SELENOF: variants seen among roughly 807,000 people sequenced by gnomAD.
SELENOF encodes 15 kDa selenoprotein.
Under a neutral mutation model 20.5 loss-of-function variants are expected in SELENOF, and 16 were observed. The observed-to-expected ratio is 0.78, with a 90% confidence interval of 0.53 to 1.19. The LOEUF (loss-of-function observed/expected upper bound fraction) is 1.19. Ranked by LOEUF, SELENOF falls within the 50% of genes most tolerant of loss-of-function variation. The pLI is 0.00. For missense variants in SELENOF, 215 were observed against 194.2 expected, an observed-to-expected ratio of 1.11 and a Z score of -0.64; for synonymous variants, 78 against 74.5, an observed-to-expected ratio of 1.05 and a Z score of -0.24.
At chr1:86,868,787 G>A (rs569200472) in intron 3 of SELENOF, among the ~76,000 whole-genome samples, 1 of 152,144 alleles carries the variant, frequency 6.6e-6, no homozygotes, top group East Asian at 1.9e-4. Flanking sequence ...TCCTAAGCAT[G>A]ACCCAAAAGG....
intron 2 of SELENOF, among the ~76,000 whole-genome samples, chr1:86,892,323 G>A (rs1054125683): frequency 2.6e-5 from 4 of 152,108 alleles, no homozygotes; most frequent in African/African-American, 7.2e-5. Flanking sequence ...TTATTCATAT[G>A]TTTTAAAAAA....
intron 4 of SELENOF, among the ~76,000 whole-genome samples, chr1:86,866,732 T>C (rs1356603003): frequency 2.0e-5 from 3 of 152,110 alleles, no homozygotes; most frequent in Non-Finnish European, 4.4e-5. Flanking sequence ...CATTAGGGAA[T>C]TGCAAATTAA....
At chr1:86,907,211 TCTAGCATCC>T (rs1340710012) in intron 1 of SELENOF, among the ~76,000 whole-genome samples, 1 of 152,222 alleles carries the variant, frequency 6.6e-6, no homozygotes, top group Non-Finnish European at 1.5e-5. Flanking sequence ...ACAGAAAGCA[TCTAGCATCC>T]CGCCCAGTAC....
rs546771201 is a variant in SELENOF, at chr1:86,914,048, A to G, written c.64T>C (p.Leu22=). Residue 22 remains leucine, a synonymous_variant, in exon 1 of 5, where the codon TTG becomes CTG. Coordinates refer to ENST00000331835, the MANE Select transcript of SELENOF (RefSeq NM_004261.5). The part of the protein sequence containing the change: ...LVPAFGLRLL[L]ATVLQAVSAF... Reference sequence around the variant, plus strand: ...CTCACCGCTTGAAGCACAGTCGCCAACAACAACCGTAGCCCAAACGCCGGC... The same window carrying G: ...CTCACCGCTTGAAGCACAGTCGCCAGCAACAACCGTAGCCCAAACGCCGGC... 269 of 1,613,954 alleles carry G rather than the reference A, an allele frequency of 1.7e-4. 5 individuals carry two copies. The South Asian group carries it at 2.8e-3, about 17-fold the overall frequency.
At chr1:86,878,619 T>C (rs1658983208) in intron 3 of SELENOF, among the ~76,000 whole-genome samples, 1 of 152,170 alleles carries the variant, frequency 6.6e-6, no homozygotes, top group East Asian at 1.9e-4. Flanking sequence ...GAGGCAGAGG[T>C]TGCGGTGAGC....
At chr1:86,901,029 A>G (rs1274778275) in intron 2 of SELENOF, among the ~76,000 whole-genome samples, 1 of 152,178 alleles carries the variant, frequency 6.6e-6, no homozygotes, top group African/African-American at 2.4e-5. Flanking sequence ...AGTAGCTGGT[A>G]CTATAGGCGT....
chr1:86,871,422 A>T (rs479146), intron 3 of SELENOF, among the ~76,000 whole-genome samples: 39,390 of 152,122 alleles, frequency 0.26, 6,291 homozygotes, highest in African/African-American at 0.45. Context: ...TTGACATAAT[A>T]CTAAAGGATT....
chr1:86,912,378 CATT>C (rs768897921), intron 1 of SELENOF, among the ~76,000 whole-genome samples: 1 of 152,172 alleles, frequency 6.6e-6, no homozygotes, highest in Non-Finnish European at 1.5e-5. Flanking sequence ...TAATTCCTAT[CATT>C]ATTACATATG....
chr1:86,868,062 C>T lies in SELENOF; in HGVS notation c.357G>A (p.Leu119=). 1 of 1,502,818 alleles carries T rather than the reference C, an allele frequency of 6.7e-7. No homozygotes were observed. The highest frequency in any genetic ancestry group is 9.0e-7 in the Non-Finnish European group (1 of 1,111,100). The allele number at this position is 1,502,818 out of a possible 1,614,324, so 93.1% of individuals were successfully genotyped here. Residue 119 remains leucine (L), a synonymous_variant, in exon 4 of 5, where the codon CTG becomes CTA. Transcript: ENST00000331835. ...ACTACAATCACCTTACCTTGATTTG[C>T]AGTCCTCTGAACAGTTTGGGTTTAT... The part of the protein sequence containing the change: ...RSDKPKLFRG[L]QIKYVRGSDP...
In SELENOF at chr1:86,913,891, T is replaced by C. The variant is rs141727044; in HGVS notation, c.84+137A>G. ...GGATCAACCGAGAAATTAAGCCACG[T>C]TGCATTCTGGCCGCAGCAGTCATTA... On this transcript the variant is annotated intron_variant, in intron 1 of 4. Transcript: ENST00000331835. 848 of 757,536 alleles carry C rather than the reference T, an allele frequency of 1.1e-3. 7 individuals are homozygous for C. In the African/African-American group the frequency reaches 0.012, roughly 11 times the overall value. The allele number at this position is 757,536 out of a possible 1,614,324, so 46.9% of individuals were successfully genotyped here.
rs1462612896 is a variant in SELENOF at position 86,899,364 on chromosome 1, G to A, written c.252+3917C>T. On this transcript the variant is annotated intron_variant, in intron 2 of 4. Transcript: ENST00000331835. ...TCCTCACTTCCCAGTAGGGGCGGCC[G>A]GGCAGAGGCGCCCCTCACCTCCCGG... 2.3e-4 allele frequency among the ~76,000 whole-genome samples: 31 copies of A among 134,250 alleles called. 3 individuals are homozygous for A. Among genetic ancestry groups the A allele is most frequent in the Admixed American group, 1.9e-3 (28 of 14,402 alleles). The allele number at this position is 134,250 out of a possible 152,430, so 88.1% of individuals were successfully genotyped here.
chr1:86,870,414 T>A (rs372742515), intron 3 of SELENOF, among the ~76,000 whole-genome samples: 1 of 152,328 alleles, frequency 6.6e-6, no homozygotes, highest in East Asian at 1.9e-4. Context: ...ACAAAAATGA[T>A]CTTATGATTT....
chr1:86,901,923 T>C (rs1014702668), intron 2 of SELENOF, among the ~76,000 whole-genome samples: 4 of 152,214 alleles, frequency 2.6e-5, no homozygotes. Context: ...ACACTGTTTA[T>C]TATAAAATGC....
At chr1:86,897,779 A>C (rs1289815655) in intron 2 of SELENOF, among the ~76,000 whole-genome samples, 5 of 152,228 alleles carry the variant, frequency 3.3e-5, no homozygotes, top group Non-Finnish European at 1.5e-5. Flanking sequence ...GTAGTGAGAC[A>C]AAGAATATGC....
chr1:86,888,808 C>T (rs752958218), intron 2 of SELENOF, among the ~76,000 whole-genome samples: 6 of 152,292 alleles, frequency 3.9e-5, no homozygotes, highest in Non-Finnish European at 7.4e-5. Flanking sequence ...GGATTACAGG[C>T]GTGCGCCACC....
intron 2 of SELENOF, among the ~76,000 whole-genome samples, chr1:86,883,679 T>C (rs1659137322): frequency 6.6e-6 from 1 of 152,182 alleles, no homozygotes; most frequent in South Asian, 2.1e-4. Flanking sequence ...TATTTCTCTA[T>C]ACCACTGTTT....
chr1:86,876,979 T>G (rs1438796156), intron 3 of SELENOF, among the ~76,000 whole-genome samples: 4 of 152,204 alleles, frequency 2.6e-5, no homozygotes, highest in African/African-American at 9.6e-5. Flanking sequence ...TAATACATAT[T>G]GACTTGAATG....
chr1:86,880,775 T>C (rs990607216), intron 2 of SELENOF, 50 bp from the exon 3 acceptor site: 4 of 1,140,556 alleles, frequency 3.5e-6, no homozygotes, highest in African/African-American at 3.2e-5. Flanking sequence ...ATTAAAAATG[T>C]ACTTATAAAA....
intron 2 of SELENOF, among the ~76,000 whole-genome samples, chr1:86,887,695 T>G (rs577792920): frequency 6.6e-6 from 1 of 152,278 alleles, no homozygotes; most frequent in African/African-American, 2.4e-5. Flanking sequence ...AGGAGTTCTA[T>G]ATACACCTAT....
Sources: gnomAD v4.1 joint callset for allele counts (sites outside exome capture counted in the v4.1 genomes callset) on GRCh38, gnomAD v4.1.1 for gene constraint, MANE v1.5 for transcripts, NCBI Gene and HGNC (gene_info 2026-07-23, HGNC 2026-07-21) for gene names.